PUS7L: variants seen among roughly 807,000 people sequenced by gnomAD.
PUS7L encodes the protein pseudouridine synthase 7 like.
A neutral mutation model predicts 51.1 loss-of-function variants in PUS7L; 49 were observed. The observed-to-expected ratio is 0.96, with a 90% CI of 0.76 to 1.22. The LOEUF is 1.22. Among genes scored for constraint, PUS7L ranks in the 50% most tolerant of loss-of-function variants. The pLI, the probability that PUS7L is intolerant of heterozygous loss-of-function variation, is 0.00. For synonymous variants in PUS7L, 277 were observed against 276.2 expected, an observed-to-expected ratio of 1.00 and a Z score of -0.03; for missense variants, 828 against 820.6, an observed-to-expected ratio of 1.01 and a Z score of -0.11.
At chr12:43,735,982 G>A (rs929665363) in intron 7 of PUS7L, among the ~76,000 whole-genome samples, 2 of 152,046 alleles carry the variant, frequency 1.3e-5, no homozygotes, top group African/African-American at 4.8e-5. Context: ...CACCATGTTG[G>A]TCAGGCTGGT....
intron 7 of PUS7L, 22 bp from the exon 8 acceptor site, chr12:43,731,780 A>G (rs776014035): frequency 4.8e-6 from 7 of 1,444,416 alleles, no homozygotes; most frequent in Non-Finnish European, 5.8e-6. Context: ...AAACATGAAA[A>G]TATGAATGAT....
At chr12:43,751,065 T>C (rs908728434) in intron 2 of PUS7L, among the ~76,000 whole-genome samples, 7 of 152,188 alleles carry the variant, frequency 4.6e-5, no homozygotes, top group Non-Finnish European at 1.0e-4. Context: ...AATATTCATT[T>C]ATCTCCTGTA....
chr12:43,745,343 A>G (rs1198886692), intron 4 of PUS7L, among the ~76,000 whole-genome samples: 1 of 152,200 alleles, frequency 6.6e-6, no homozygotes, highest in Admixed American at 6.5e-5. Context: ...CTTGAATTGT[A>G]GTTTCCATAA....
At chr12:43,745,775 G>A (rs992748650) in intron 4 of PUS7L, among the ~76,000 whole-genome samples, 1 of 151,996 alleles carries the variant, frequency 6.6e-6, no homozygotes, top group Non-Finnish European at 1.5e-5. Context: ...TCTTATGAAT[G>A]TAGATTGTCC....
Position 43,731,746 on chromosome 12 carries a change from T to A in PUS7L, c.1738A>T (p.Thr580Ser). ...NFPNSKIHLVTEEEGSANMYA... is the reference protein window; with the variant it reads ...NFPNSKIHLVSEEEGSANMYA... ...ATATTAGCTGATCCCTCCTCTTCAG[T>A]TACCAGGTGAATCTAGTTTTAAAAA... Residue 580 changes from threonine (T) to serine (S), a missense_variant, in exon 8 of 9, where the codon ACT becomes TCT. Coordinates refer to ENST00000344862, the MANE Select transcript of PUS7L (RefSeq NM_031292.5). The A allele has an allele frequency of 6.3e-7, 1 of 1,577,520 alleles. No individual in the cohort carries two copies. Among genetic ancestry groups the A allele is most frequent in the Non-Finnish European group, 8.7e-7 (1 of 1,153,266 alleles).
chr12:43,757,407 G>C (rs1283321292), intron 1 of PUS7L, among the ~76,000 whole-genome samples: 1 of 152,106 alleles, frequency 6.6e-6, no homozygotes, highest in Admixed American at 6.5e-5. Context: ...TCCTGACCTC[G>C]TGATCCACCC....
At chr12:43,740,366 G>A (rs1276517997) in intron 5 of PUS7L, among the ~76,000 whole-genome samples, 1 of 151,966 alleles carries the variant, frequency 6.6e-6, no homozygotes, top group African/African-American at 2.4e-5. Flanking sequence ...AGGGTATTAG[G>A]GACAGAGCAT....
intron 7 of PUS7L, among the ~76,000 whole-genome samples, chr12:43,733,711 G>C (rs2137669771): frequency 6.6e-6 from 1 of 152,222 alleles, no homozygotes; most frequent in African/African-American, 2.4e-5. Context: ...CATGTTTTCT[G>C]GGAGGTGTTA....
chr12:43,736,769 T>C (rs1944704327), intron 6 of PUS7L, 108 bp from the exon 7 acceptor site: 7 of 958,534 alleles, frequency 7.3e-6, no homozygotes, highest in Admixed American at 6.9e-5. Flanking sequence ...GGTATTAAGA[T>C]GATATTCAAC....
At chr12:43,735,906 AGC>A (rs1392885698) in intron 7 of PUS7L, among the ~76,000 whole-genome samples, 1 of 152,016 alleles carries the variant, frequency 6.6e-6, no homozygotes, top group South Asian at 2.1e-4. Flanking sequence ...CCTCCTGAGT[AGC>A]TGGGATTACA....
At chr12:43,744,694 A>C (rs1471219463) in intron 4 of PUS7L, among the ~76,000 whole-genome samples, 1 of 152,234 alleles carries the variant, frequency 6.6e-6, no homozygotes, top group Non-Finnish European at 1.5e-5. Flanking sequence ...TATTTTCCTA[A>C]CTACAAGGCA....
At chr12:43,733,049 G>C in intron 7 of PUS7L, among the ~76,000 whole-genome samples, 1 of 152,106 alleles carries the variant, frequency 6.6e-6, no homozygotes, top group Non-Finnish European at 1.5e-5. Context: ...TGTCTTTAAA[G>C]AATTCCCTCC....
chr12:43,745,973 C>T lies in PUS7L; in HGVS notation c.1263+73G>A, dbSNP rs1195692390. On this transcript the variant is annotated intron_variant, in intron 4 of 8. Coordinates refer to ENST00000344862, the MANE Select transcript of PUS7L (RefSeq NM_031292.5). ...AAGGTACAAAAGAAAAAGAAGTTTC[C>T]CCTCTTGCCTCAGTGTAGAGAAAGA... 4 of 633,578 alleles carry T rather than the reference C, an allele frequency of 6.3e-6. No homozygotes were observed. The African/African-American group carries it at 7.8e-5, about 12-fold the overall frequency. 39.2% of individuals were successfully genotyped at this position (633,578 alleles called of 1,614,324 possible).
At chr12:43,741,713 G>C (rs928240782) in intron 5 of PUS7L, among the ~76,000 whole-genome samples, 1 of 152,098 alleles carries the variant, frequency 6.6e-6, no homozygotes, top group Non-Finnish European at 1.5e-5. Flanking sequence ...TGCAGATGTG[G>C]TCTAAATCAT....
chr12:43,750,606 G>A (rs939687642), intron 2 of PUS7L, among the ~76,000 whole-genome samples: 1 of 152,118 alleles, frequency 6.6e-6, no homozygotes, highest in South Asian at 2.1e-4. Flanking sequence ...TTTGAGCCCT[G>A]TTGGAATAAC....
In PUS7L at chr12:43,722,565, G is replaced by A. The variant is rs1035081577; in HGVS notation, c.*7811C>T. On this transcript the variant is annotated 3_prime_UTR_variant, in exon 9 of 9. Coordinates refer to ENST00000344862, the MANE Select transcript of PUS7L (RefSeq NM_031292.5). ...ATAAAAATGTATTCGATTCCTTTGCGATATTTTATAGAAAAATAAATTAGT... is the reference window on the plus strand; with the variant it reads ...ATAAAAATGTATTCGATTCCTTTGCAATATTTTATAGAAAAATAAATTAGT... The A allele has an allele frequency of 6.6e-6, 1 of 151,774 alleles. No individual in the cohort carries two copies. The highest frequency in any genetic ancestry group is 1.5e-5 in the Non-Finnish European group (1 of 67,894). 9.4% of individuals were successfully genotyped at this position (151,774 alleles called of 1,614,324 possible). A position where few individuals can be genotyped will look rare whatever the true frequency, so the allele number is the denominator to read the frequency against.
At chr12:43,743,056 A>G (rs1937983601) in intron 4 of PUS7L, among the ~76,000 whole-genome samples, 1 of 152,200 alleles carries the variant, frequency 6.6e-6, no homozygotes, top group Non-Finnish European at 1.5e-5. Context: ...GGCTGACCTG[A>G]GACAATGGAG....
At position 43,746,177 on chromosome 12, in the gene PUS7L, C is replaced by T. The variant is rs1478795495; in HGVS notation, c.1132G>A (p.Val378Ile). 6.6e-7 allele frequency: 1 copy of T among 1,519,742 alleles called. No homozygotes were observed. The highest frequency in any genetic ancestry group is 9.1e-7 in the Non-Finnish European group (1 of 1,103,970). The allele number at this position is 1,519,742 out of a possible 1,614,324, so 94.1% of individuals were successfully genotyped here. A position where few individuals can be genotyped will look rare whatever the true frequency, so the allele number is the denominator to read the frequency against. Residue 378 changes from valine (V) to isoleucine (I), a missense_variant, in exon 4 of 9, where the codon GTA (valine) becomes ATA (isoleucine). Transcript: ENST00000344862. ...KRMNVFNIRS[V>I]DDSLRLGQLK... ...TGACCAAGTCTCAGGGAATCATCTA[C>T]AGACCGAATATTAAAGACATTCATT... is the stretch of plus-strand genomic sequence containing the variant.
At position 43,731,707 on chromosome 12, in the gene PUS7L, G is replaced by C. The variant is rs200877231; in HGVS notation, c.1777C>G (p.Gln593Glu). The C allele has an allele frequency of 8.9e-5, 139 of 1,555,380 alleles. No individual in the cohort carries two copies. Among genetic ancestry groups the C allele is most frequent in the Non-Finnish European group, 1.1e-4 (129 of 1,135,178 alleles). The change falls in exon 8 of 9, where the codon CAG (glutamine) becomes GAG (glutamate). Residue 593 changes from glutamine to glutamate, a missense_variant and splice_region_variant. Physicochemically the swap from Gln to Glu is conservative, Grantham distance 29 (BLOSUM62 2). Coordinates refer to ENST00000344862, the MANE Select transcript of PUS7L (RefSeq NM_031292.5). ...TAGTAATTTTTAAGCAAATTTACCT[G>C]ATGTATTGCATACATATTAGCTGAT... ...EGSANMYAIHQVVLPVLGYNI... is the reference protein window; with the variant it reads ...EGSANMYAIHEVVLPVLGYNI...
Sources: allele counts gnomAD v4.1 joint callset (sites outside exome capture counted in the v4.1 genomes callset), GRCh38; gene constraint gnomAD v4.1.1; transcripts MANE v1.5; gene names NCBI Gene and HGNC (gene_info 2026-07-23, HGNC 2026-07-21).